The following GPC6 variants were observed in gnomAD, a reference collection of about 807,000 sequenced individuals.
GPC6 encodes glypican 6, also known as glypican-6.
A neutral mutation model predicts 55.2 loss-of-function variants in GPC6; 14 were observed. The ratio of observed to expected loss-of-function variants is 0.25; its 90% CI spans 0.17 to 0.40. The LOEUF (loss-of-function observed/expected upper bound fraction) is 0.40. GPC6 is among the 10% of genes least tolerant of loss of function. The pLI, the probability that GPC6 is intolerant of heterozygous loss-of-function variation, is 1.00. For synonymous variants in GPC6, 278 were observed against 259.6 expected (o/e 1.07, Z -0.68); for missense variants, 641 against 708.5 (o/e 0.90, Z 1.08).
intron 1 of GPC6, among the ~76,000 whole-genome samples, chr13:93,277,021 A>G (rs1333822553): frequency 6.6e-6 from 1 of 152,208 alleles, no homozygotes; most frequent in African/African-American, 2.4e-5. Context: ...CCAGAAATGG[A>G]GTCATTACAT....
chr13:93,401,591 C>A (rs1876080132), intron 1 of GPC6, among the ~76,000 whole-genome samples: 1 of 149,680 alleles, frequency 6.7e-6, no homozygotes. Flanking sequence ...TGATTAGAAA[C>A]CAGGGAGGAT....
At chr13:93,222,095 CAT>C (rs1875642569), upstream of GPC6, among the ~76,000 whole-genome samples, 1 of 152,088 alleles carries the variant, frequency 6.6e-6, no homozygotes, top group African/African-American at 2.4e-5. Context: ...GATTCAGAAA[CAT>C]ATTAACAGCC....
intron 1 of GPC6, among the ~76,000 whole-genome samples, chr13:93,290,385 C>T (rs542463626): frequency 4.1e-4 from 63 of 152,202 alleles, no homozygotes; most frequent in African/African-American, 1.4e-3. Flanking sequence ...CACTATACAA[C>T]TATCCACCCT....
chr13:93,427,969 C>G (rs1350500650), intron 1 of GPC6, among the ~76,000 whole-genome samples: 1 of 152,138 alleles, frequency 6.6e-6, no homozygotes, highest in Admixed American at 6.6e-5. Flanking sequence ...TGAATTTTCT[C>G]TTGTGAAATA....
intron 3 of GPC6, among the ~76,000 whole-genome samples, chr13:93,918,744 T>C (rs1011052091): frequency 1.4e-4 from 21 of 152,146 alleles, no homozygotes; most frequent in Admixed American, 4.6e-4. Context: ...CTGGACACCA[T>C]CTCCATTAAC....
intron 2 of GPC6, among the ~76,000 whole-genome samples, chr13:93,637,058 T>C (rs866090986): frequency 8.5e-5 from 13 of 152,062 alleles, no homozygotes; most frequent in African/African-American, 2.7e-4. Flanking sequence ...TTGTAATGTT[T>C]GAAAATTCTT....
upstream of GPC6, chr13:93,226,609 A>G (rs926119623): frequency 1.3e-5 from 2 of 152,200 alleles, no homozygotes; most frequent in Non-Finnish European, 2.9e-5. Context: ...ACTTAAAATT[A>G]CCTTGTCTTT....
chr13:94,208,606 C>A (rs1889975510), intron 4 of GPC6, among the ~76,000 whole-genome samples: 1 of 151,998 alleles, frequency 6.6e-6, no homozygotes, highest in South Asian at 2.1e-4. Flanking sequence ...GGGATTTGTC[C>A]TTTTTGTTCT....
At chr13:93,363,552 G>A (rs34375635) in intron 1 of GPC6, among the ~76,000 whole-genome samples, 11,106 of 151,458 alleles carry the variant, frequency 0.073, 454 homozygotes, top group East Asian at 0.12. Context: ...CATTTGGGTT[G>A]GTTCCAAGTC....
intron 1 of GPC6, among the ~76,000 whole-genome samples, chr13:93,464,177 A>G (rs1196306439): frequency 6.6e-6 from 1 of 152,190 alleles, no homozygotes; most frequent in East Asian, 1.9e-4. Context: ...TGTTAGTGCC[A>G]CAACTTGACT....
intron 1 of GPC6, among the ~76,000 whole-genome samples, chr13:93,360,709 G>C (rs1419108590): frequency 2.6e-5 from 4 of 152,168 alleles, no homozygotes; most frequent in Non-Finnish European, 5.9e-5. Flanking sequence ...GATGTATGTT[G>C]ATGAGTTATC....
chr13:93,303,316 C>T (rs180886798), intron 1 of GPC6, among the ~76,000 whole-genome samples: 14 of 152,276 alleles, frequency 9.2e-5, no homozygotes, highest in African/African-American at 2.2e-4. Context: ...TCAGTTTACT[C>T]GGACTTTGGT....
chr13:93,861,421 A>C (rs1888807402), intron 3 of GPC6, among the ~76,000 whole-genome samples: 1 of 149,074 alleles, frequency 6.7e-6, no homozygotes. Flanking sequence ...AAAAAAAAAA[A>C]GAAAATATTC....
intron 1 of GPC6, among the ~76,000 whole-genome samples, chr13:93,277,338 A>G (rs1052705808): frequency 2.0e-5 from 3 of 152,212 alleles, no homozygotes; most frequent in Non-Finnish European, 4.4e-5. Flanking sequence ...TGAAGACAAT[A>G]TCTGCCAACC....
chr13:93,563,731 A>G (rs1352651934), intron 2 of GPC6, among the ~76,000 whole-genome samples: 1 of 151,602 alleles, frequency 6.6e-6, no homozygotes, highest in Non-Finnish European at 1.5e-5. Context: ...CCTGGGCAGT[A>G]CCTGAAGATG....
intron 3 of GPC6, among the ~76,000 whole-genome samples, chr13:93,996,610 A>G (rs989042306): frequency 6.6e-6 from 1 of 152,184 alleles, no homozygotes; most frequent in Admixed American, 6.6e-5. Context: ...TGCTCTGCTT[A>G]TTAACTAAAA....
intron 7 of GPC6, among the ~76,000 whole-genome samples, chr13:94,393,136 G>A (rs1387384981): frequency 6.6e-6 from 1 of 152,146 alleles, no homozygotes; most frequent in East Asian, 1.9e-4. Context: ...GCATAGGCTT[G>A]TAGTCCCTTA....
intron 2 of GPC6, among the ~76,000 whole-genome samples, chr13:93,681,475 C>A (rs1324344567): frequency 6.6e-6 from 1 of 152,040 alleles, no homozygotes; most frequent in Admixed American, 6.6e-5. Context: ...ACGGCAAGAG[C>A]TGACAATAAA....
intron 2 of GPC6, among the ~76,000 whole-genome samples, chr13:93,600,529 A>G (rs1325752857): frequency 6.6e-6 from 1 of 152,238 alleles, no homozygotes; most frequent in Non-Finnish European, 1.5e-5. Flanking sequence ...AAAGTTACAA[A>G]GGATAAGCAG....
Sources: allele counts gnomAD v4.1 joint callset (sites outside exome capture counted in the v4.1 genomes callset), GRCh38; gene constraint gnomAD v4.1.1; transcripts MANE v1.5; gene names NCBI Gene and HGNC (gene_info 2026-07-23, HGNC 2026-07-21).